ADCY2: variants seen among roughly 807,000 people sequenced by gnomAD.
ADCY2 encodes the protein adenylate cyclase 2.
In ADCY2, 31 loss-of-function variants were observed where a neutral mutation model predicts 125.2. That is an observed-to-expected ratio of 0.25 (90% CI 0.19 to 0.33). The LOEUF is 0.33. Ranked by LOEUF, ADCY2 falls within the 10% of genes least tolerant of loss-of-function variation. The pLI, the probability that ADCY2 is intolerant of heterozygous loss-of-function variation, is 1.00. For missense variants in ADCY2, 904 were observed against 1,418.2 expected, an observed-to-expected ratio of 0.64 and a Z score of 5.82; for synonymous variants, 512 against 548.4, an observed-to-expected ratio of 0.93 and a Z score of 0.93.
intron 4 of ADCY2, among the ~76,000 whole-genome samples, chr5:7,688,064 C>T (rs1579316920): frequency 6.6e-6 from 1 of 151,594 alleles, no homozygotes; most frequent in African/African-American, 2.4e-5. Context: ...AATAGATAGC[C>T]TAGATCCAGA....
intron 2 of ADCY2, among the ~76,000 whole-genome samples, chr5:7,442,084 C>G (rs73737375): frequency 6.6e-6 from 1 of 152,182 alleles, no homozygotes; most frequent in Non-Finnish European, 1.5e-5. Flanking sequence ...ACCATGTCTG[C>G]TTGCTGTGAC....
intron 4 of ADCY2, among the ~76,000 whole-genome samples, chr5:7,684,828 C>T (rs967877629): frequency 5.4e-5 from 8 of 147,576 alleles, no homozygotes; most frequent in Non-Finnish European, 1.0e-4. Context: ...TTATATGTGA[C>T]CAGGGTTTGT....
intron 19 of ADCY2, 39 bp downstream of exon 19, chr5:7,784,488 C>T (rs1222061889): frequency 6.8e-7 from 1 of 1,466,084 alleles, no homozygotes; most frequent in African/African-American, 1.4e-5. Flanking sequence ...TATACCTTCT[C>T]TAAAGTGCTG....
chr5:7,656,054 C>CTT lies in ADCY2; in HGVS notation c.720+29754_720+29755dup, dbSNP rs1272806102. Among the ~76,000 whole-genome samples the CTT allele has an allele frequency of 2.5e-3, 329 of 132,340 alleles. 1 individual carries two copies. The highest frequency in any genetic ancestry group is 5.6e-3 in the African/African-American group (196 of 35,276). 86.8% of individuals were successfully genotyped at this position (132,340 alleles called of 152,430 possible). A position where few individuals can be genotyped will look rare whatever the true frequency, so the allele number is the denominator to read the frequency against. The stretch of plus-strand genomic sequence containing the variant: ...TGAGCTGTTAGGTTTTTTTCATTTT[C>CTT]TTTTTTTTTTTTTTTTTGAGAAGGA... On this transcript the variant is annotated intron_variant, in intron 4 of 24. Transcript: ENST00000338316.
At position 7,638,584 on chromosome 5, in the gene ADCY2, T is replaced by C. The variant is rs78230008; in HGVS notation, c.720+12268T>C. On this transcript the variant is annotated intron_variant, in intron 4 of 24. Coordinates refer to ENST00000338316, the MANE Select transcript of ADCY2 (RefSeq NM_020546.3). Reference sequence around the variant, plus strand: ...ACACACTCCCAGCATGAGGCCAATGTGTGTAAGTGCCTTGCAGAAGTCTTA... The same window carrying C: ...ACACACTCCCAGCATGAGGCCAATGCGTGTAAGTGCCTTGCAGAAGTCTTA... 5.9e-5 allele frequency among the ~76,000 whole-genome samples: 9 copies of C among 152,302 alleles called. No individual in the cohort carries two copies. The East Asian group carries it at 1.7e-3, about 29-fold the overall frequency.
At chr5:7,582,528 T>G (rs560519572) in intron 3 of ADCY2, among the ~76,000 whole-genome samples, 2 of 152,136 alleles carry the variant, frequency 1.3e-5, no homozygotes, top group Admixed American at 6.5e-5. Context: ...ACTAAAATCT[T>G]AGCAAATAAA....
chr5:7,437,191 T>A (rs548353625), intron 2 of ADCY2, among the ~76,000 whole-genome samples: 16 of 152,294 alleles, frequency 1.1e-4, no homozygotes, highest in Admixed American at 2.0e-4. Flanking sequence ...CCCATGCATG[T>A]AAGGGATTGG....
At chr5:7,664,129 C>T (rs754507238) in intron 4 of ADCY2, among the ~76,000 whole-genome samples, 9 of 152,062 alleles carry the variant, frequency 5.9e-5, no homozygotes, top group Non-Finnish European at 8.8e-5. Flanking sequence ...TAGAAACCAT[C>T]GAAATGGAGG....
intron 15 of ADCY2, among the ~76,000 whole-genome samples, chr5:7,756,515 C>A (rs536204241): frequency 1.3e-5 from 2 of 152,234 alleles, no homozygotes; most frequent in East Asian, 3.9e-4. Flanking sequence ...AGAAGGAAAT[C>A]TTGGCATAAT....
intron 2 of ADCY2, among the ~76,000 whole-genome samples, chr5:7,475,583 C>T (rs994901487): frequency 1.3e-5 from 2 of 152,088 alleles, no homozygotes; most frequent in Non-Finnish European, 2.9e-5. Context: ...AGTTTCGCCA[C>T]GTTGGCCAGG....
At chr5:7,664,546 C>T (rs919878419) in intron 4 of ADCY2, among the ~76,000 whole-genome samples, 3 of 152,184 alleles carry the variant, frequency 2.0e-5, no homozygotes, top group African/African-American at 4.8e-5. Context: ...ACAAACCATA[C>T]ATTCTCATCA....
chr5:7,598,259 G>T (rs191122025), intron 3 of ADCY2, among the ~76,000 whole-genome samples: 25 of 152,286 alleles, frequency 1.6e-4, no homozygotes, highest in Middle Eastern at 3.4e-3. Flanking sequence ...GGAGGGCAAA[G>T]CCTCGAGGCC....
chr5:7,471,318 G>A (rs191153085), intron 2 of ADCY2, among the ~76,000 whole-genome samples: 34 of 151,742 alleles, frequency 2.2e-4, no homozygotes, highest in Admixed American at 3.9e-4. Flanking sequence ...CTTTATGTTC[G>A]TTTGGCATTT....
chr5:7,545,532 T>G (rs1188449466), intron 3 of ADCY2, among the ~76,000 whole-genome samples: 1 of 152,156 alleles, frequency 6.6e-6, no homozygotes, highest in Non-Finnish European at 1.5e-5. Flanking sequence ...TCTCGACGTG[T>G]AGAAGTTTCC....
At chr5:7,553,486 A>G (rs1735404759) in intron 3 of ADCY2, among the ~76,000 whole-genome samples, 1 of 152,226 alleles carries the variant, frequency 6.6e-6, no homozygotes, top group Admixed American at 6.5e-5. Flanking sequence ...CTTCCCAGAA[A>G]GGAAAAAGAA....
At chr5:7,540,105 C>A (rs1051426393) in intron 3 of ADCY2, among the ~76,000 whole-genome samples, 1 of 152,138 alleles carries the variant, frequency 6.6e-6, no homozygotes. Context: ...CACGTGTTCT[C>A]ACTTATCAGT....
intron 3 of ADCY2, among the ~76,000 whole-genome samples, chr5:7,530,228 G>A (rs1057154533): frequency 1.4e-4 from 22 of 152,220 alleles, no homozygotes; most frequent in African/African-American, 5.1e-4. Flanking sequence ...GTAGGCAGCA[G>A]CAGCAGCAGT....
chr5:7,719,793 C>A (rs1741703348), intron 12 of ADCY2, among the ~76,000 whole-genome samples: 1 of 152,106 alleles, frequency 6.6e-6, no homozygotes, highest in African/African-American at 2.4e-5. Flanking sequence ...CCAAATACAG[C>A]CACACTGGGA....
intron 3 of ADCY2, among the ~76,000 whole-genome samples, chr5:7,543,243 T>C (rs1260595275): frequency 6.6e-6 from 1 of 152,206 alleles, no homozygotes; most frequent in African/African-American, 2.4e-5. Flanking sequence ...GTGTACATCA[T>C]ATTCAAAGGC....
Sources: gnomAD v4.1 joint callset for allele counts (sites outside exome capture counted in the v4.1 genomes callset) on GRCh38, gnomAD v4.1.1 for gene constraint, MANE v1.5 for transcripts, NCBI Gene and HGNC (gene_info 2026-07-23, HGNC 2026-07-21) for gene names.